The following TM9SF3 variants were observed in gnomAD, a reference collection of about 807,000 sequenced individuals.
The protein encoded by TM9SF3 is transmembrane 9 superfamily member 3.
Under a neutral mutation model 78.6 loss-of-function variants are expected in TM9SF3, and 14 were observed. That is an observed-to-expected ratio of 0.18 (90% CI 0.12 to 0.28). The LOEUF is 0.28. Ranked by LOEUF, TM9SF3 falls within the 10% of genes least tolerant of loss-of-function variation. The pLI, the probability that TM9SF3 is intolerant of heterozygous loss-of-function variation, is 1.00. For missense variants in TM9SF3, 496 were observed against 721.9 expected, an observed-to-expected ratio of 0.69 and a Z score of 3.59; for synonymous variants, 231 against 241.7, an observed-to-expected ratio of 0.96 and a Z score of 0.41.
chr10:96,538,994 T>C (rs1056107367), intron 9 of TM9SF3, among the ~76,000 whole-genome samples: 2 of 152,232 alleles, frequency 1.3e-5, no homozygotes, highest in African/African-American at 4.8e-5. Context: ...GACCCAGCCA[T>C]TCCACTCCTA....
chr10:96,559,600 A>C, intron 5 of TM9SF3, 59 bp downstream of exon 5: 2 of 1,220,988 alleles, frequency 1.6e-6, no homozygotes, highest in South Asian at 3.0e-5. Context: ...CAGATACTCA[A>C]TGTTTGTTGA....
rs975418582 is a variant in TM9SF3 at position 96,520,717 on chromosome 10, G to A, written c.*1546C>T. The A allele has an allele frequency of 4.6e-5, 18 of 391,518 alleles. No homozygotes were observed. Among genetic ancestry groups the A allele is most frequent in the Admixed American group, 4.4e-4 (10 of 22,526 alleles). The allele number at this position is 391,518 out of a possible 1,614,324, so 24.3% of individuals were successfully genotyped here. A position where few individuals can be genotyped will look rare whatever the true frequency, so the allele number is the denominator to read the frequency against. ...CCTTTATTTGTTGATCCAACAGTAC[G>A]TTAACCACTTTTACCCCATCCCCAC... On this transcript the variant is annotated 3_prime_UTR_variant, in exon 15 of 15. Coordinates refer to ENST00000371142, the MANE Select transcript of TM9SF3 (RefSeq NM_020123.4).
At chr10:96,547,872 T>C (rs758118276) in intron 8 of TM9SF3, 23 bp downstream of exon 8, 52 of 1,552,612 alleles carry the variant, frequency 3.3e-5, no homozygotes, top group South Asian at 3.1e-4. Flanking sequence ...ATTAACAACA[T>C]GAAGTGAGAA....
intron 2 of TM9SF3, among the ~76,000 whole-genome samples, chr10:96,573,330 C>T (rs1848460127): frequency 6.6e-6 from 1 of 152,040 alleles, no homozygotes; most frequent in Non-Finnish European, 1.5e-5. Flanking sequence ...TAATGTTTGG[C>T]TAAGTGACAA....
At chr10:96,572,549 CAG>C (rs957040840) in intron 2 of TM9SF3, among the ~76,000 whole-genome samples, 18 of 135,502 alleles carry the variant, frequency 1.3e-4, no homozygotes, top group Non-Finnish European at 1.6e-4. Context: ...TTTTTTAAGA[CAG>C]AGTCTTGCTC....
chr10:96,583,434 A>G (rs1245607441), intron 1 of TM9SF3, among the ~76,000 whole-genome samples: 2 of 152,266 alleles, frequency 1.3e-5, no homozygotes, highest in Non-Finnish European at 2.9e-5. Flanking sequence ...CTCATCATGG[A>G]GCCACACTCA....
chr10:96,524,277 C>G (rs1847814439), intron 14 of TM9SF3, among the ~76,000 whole-genome samples: 1 of 151,820 alleles, frequency 6.6e-6, no homozygotes, highest in Non-Finnish European at 1.5e-5. Flanking sequence ...AACAATATTA[C>G]ATTTTAAAAT....
intron 1 of TM9SF3, among the ~76,000 whole-genome samples, chr10:96,585,239 T>G (rs1218710520): frequency 6.6e-6 from 1 of 152,166 alleles, no homozygotes; most frequent in Non-Finnish European, 1.5e-5. Flanking sequence ...TTTTCCTAAG[T>G]GTTTTTTTAA....
intron 1 of TM9SF3, among the ~76,000 whole-genome samples, chr10:96,585,746 TACAA>T (rs1848621378): frequency 1.3e-5 from 2 of 152,212 alleles, no homozygotes; most frequent in Admixed American, 6.5e-5. Context: ...TCTGATTTAG[TACAA>T]ACACAGTCTC....
At chr10:96,579,486 C>T (rs1210471262) in intron 1 of TM9SF3, among the ~76,000 whole-genome samples, 2 of 152,000 alleles carry the variant, frequency 1.3e-5, no homozygotes, top group African/African-American at 2.4e-5. Flanking sequence ...CAAATTAAAA[C>T]ATAAGGACTA....
At position 96,559,722 on chromosome 10, in the gene TM9SF3, C is replaced by A; in HGVS notation, c.597G>T (p.Lys199Asn). 1 of 1,578,610 alleles carries A rather than the reference C, an allele frequency of 6.3e-7. No individual in the cohort carries two copies. The highest frequency in any genetic ancestry group is 1.2e-5 in the South Asian group (1 of 85,350). Residue 199 changes from lysine to asparagine, a missense_variant, in exon 5 of 15, where the codon AAG becomes AAT. By Grantham distance (94) the Lys-to-Asn change is moderately conservative. Coordinates refer to ENST00000371142, the MANE Select transcript of TM9SF3 (RefSeq NM_020123.4). ...IQMSYSVKWK[K>N]SDVKFEDRFD... ...ATCGATCTTCAAATTTCACATCTGACTTTTTCCATTTTACCTAAAAAAAAT... is the reference window on the plus strand; with the variant it reads ...ATCGATCTTCAAATTTCACATCTGAATTTTTCCATTTTACCTAAAAAAAAT...
At chr10:96,542,763 C>T (rs879849172) in intron 9 of TM9SF3, among the ~76,000 whole-genome samples, 15 of 151,498 alleles carry the variant, frequency 9.9e-5, no homozygotes, top group Admixed American at 2.6e-4. Context: ...CTTTTCTAAG[C>T]ATTATCACTT....
intron 9 of TM9SF3, among the ~76,000 whole-genome samples, chr10:96,543,344 C>CTTTTTTTTTTT (rs398014526): frequency 0.046 from 6,333 of 136,802 alleles, 295 homozygotes; most frequent in Non-Finnish European, 0.07. Context: ...TAGTGAGATT[C>CTTTTTTTTTTT]TTTTTTTTGA....
intron 9 of TM9SF3, chr10:96,543,704 T>G (rs1172226942): frequency 6.5e-6 from 1 of 153,566 alleles, no homozygotes; most frequent in Non-Finnish European, 1.4e-5. Context: ...AAGCTTTACT[T>G]TCTACCACTG....
chr10:96,574,380 C>A (rs985729007), intron 2 of TM9SF3, among the ~76,000 whole-genome samples: 2 of 152,088 alleles, frequency 1.3e-5, no homozygotes, highest in African/African-American at 4.8e-5. Context: ...TGAGCTACTA[C>A]CTTATACCAG....
rs1847718773 is a variant in TM9SF3 at position 96,518,263 on chromosome 10, C to CA, written c.*3999dup. Reference sequence around the variant, plus strand: ...GCCTATACGAACCAAAGAGTGTATACAAAATGGAAGTGGTCATCAGGCAAT... The same window carrying CA: ...GCCTATACGAACCAAAGAGTGTATACAAAAATGGAAGTGGTCATCAGGCAAT... On this transcript the variant is annotated 3_prime_UTR_variant, in exon 15 of 15. Coordinates refer to ENST00000371142, the MANE Select transcript of TM9SF3 (RefSeq NM_020123.4). 6.6e-6 allele frequency: 1 copy of CA among 152,056 alleles called. No individual in the cohort carries two copies. Among genetic ancestry groups the CA allele is most frequent in the Non-Finnish European group, 1.5e-5 (1 of 67,994 alleles). 9.4% of individuals were successfully genotyped at this position (152,056 alleles called of 1,614,324 possible).
intron 3 of TM9SF3, among the ~76,000 whole-genome samples, chr10:96,563,868 A>G (rs913029101): frequency 1.3e-5 from 2 of 151,942 alleles, no homozygotes; most frequent in Admixed American, 1.3e-4. Context: ...TCCATGGTTC[A>G]GACATTCAAG....
chr10:96,555,402 C>A (rs1221568241), intron 5 of TM9SF3, among the ~76,000 whole-genome samples: 1 of 152,178 alleles, frequency 6.6e-6, no homozygotes, highest in African/African-American at 2.4e-5. Flanking sequence ...AACACAAGTA[C>A]CTTCCCCTCC....
chr10:96,561,897 A>G (rs1848312366), intron 4 of TM9SF3, 81 bp downstream of exon 4: 5 of 1,173,278 alleles, frequency 4.3e-6, no homozygotes, highest in Non-Finnish European at 6.1e-6. Flanking sequence ...CTACATTTTC[A>G]TTTACTAAAG....
Sources: gnomAD v4.1 joint callset for allele counts (sites outside exome capture counted in the v4.1 genomes callset) on GRCh38, gnomAD v4.1.1 for gene constraint, MANE v1.5 for transcripts, NCBI Gene and HGNC (gene_info 2026-07-23, HGNC 2026-07-21) for gene names.